The following PABPC4L variants were observed in gnomAD, a reference collection of about 807,000 sequenced individuals.
PABPC4L encodes polyadenylate-binding protein 4-like.
For synonymous variants in PABPC4L, 169 were observed against 164.1 expected, an observed-to-expected ratio of 1.03 and a Z score of -0.23; for missense variants, 452 against 451.4, an observed-to-expected ratio of 1.00 and a Z score of -0.01.
chr4:134,151,176 C>T, the PABPC4L span, among the ~76,000 whole-genome samples: 3 of 152,052 alleles, frequency 2.0e-5, no homozygotes, highest in African/African-American at 4.8e-5. Flanking sequence ...TTCTGAAAGG[C>T]AGGCAATCCC....
the PABPC4L span, among the ~76,000 whole-genome samples, chr4:134,158,037 T>A: frequency 6.6e-6 from 1 of 152,058 alleles, no homozygotes; most frequent in African/African-American, 2.4e-5. Context: ...TTTATACTAA[T>A]GCTTTTGAAG....
chr4:134,070,598 G>A, the PABPC4L span, among the ~76,000 whole-genome samples: 725 of 152,244 alleles, frequency 4.8e-3, 7 homozygotes, highest in African/African-American at 0.016. Flanking sequence ...CGCTGGAGGA[G>A]GGGAGGTGTG....
At chr4:134,178,164 A>G in the PABPC4L span, among the ~76,000 whole-genome samples, 1 of 152,046 alleles carries the variant, frequency 6.6e-6, no homozygotes, top group Non-Finnish European at 1.5e-5. Flanking sequence ...GGCTGACCTC[A>G]CAAGGATATA....
At chr4:134,184,135 G>A in the PABPC4L span, among the ~76,000 whole-genome samples, 1 of 151,836 alleles carries the variant, frequency 6.6e-6, no homozygotes, top group Non-Finnish European at 1.5e-5. Flanking sequence ...GGATAGACTG[G>A]TTAACCAGAC....
chr4:134,140,132 T>C, the PABPC4L span, among the ~76,000 whole-genome samples: 2 of 151,820 alleles, frequency 1.3e-5, no homozygotes, highest in Non-Finnish European at 2.9e-5. Context: ...GTAGAATAAA[T>C]AAACTGAAAT....
the PABPC4L span, among the ~76,000 whole-genome samples, chr4:134,171,984 G>T: frequency 3.3e-5 from 5 of 151,584 alleles, no homozygotes; most frequent in South Asian, 1.0e-3. Flanking sequence ...TCTACAATGA[G>T]AATTACAAAC....
At chr4:133,993,709 A>G in the PABPC4L span, among the ~76,000 whole-genome samples, 1 of 152,156 alleles carries the variant, frequency 6.6e-6, no homozygotes, top group Non-Finnish European at 1.5e-5. Flanking sequence ...AGTTTCTCCA[A>G]TTTTGGTGGA....
the PABPC4L span, among the ~76,000 whole-genome samples, chr4:134,057,705 T>C: frequency 6.6e-6 from 1 of 152,102 alleles, no homozygotes; most frequent in Non-Finnish European, 1.5e-5. Flanking sequence ...GTTTTGGAAT[T>C]GCTGGCTTCT....
chr4:134,015,361 T>C, the PABPC4L span, among the ~76,000 whole-genome samples: 18 of 152,102 alleles, frequency 1.2e-4, no homozygotes, highest in African/African-American at 2.4e-4. Context: ...CAAACCCATA[T>C]ACTCTCCTAT....
the PABPC4L span, among the ~76,000 whole-genome samples, chr4:133,988,956 C>A: frequency 6.6e-6 from 1 of 152,152 alleles, no homozygotes; most frequent in Admixed American, 6.5e-5. Context: ...GTGGAAACTG[C>A]CAAGGCATGG....
chr4:134,183,353 T>C, the PABPC4L span, among the ~76,000 whole-genome samples: 2 of 151,554 alleles, frequency 1.3e-5, no homozygotes, highest in Non-Finnish European at 3.0e-5. Flanking sequence ...AAGTAAAGCA[T>C]AAACAGAAAA....
At chr4:134,113,534 C>T in the PABPC4L span, among the ~76,000 whole-genome samples, 1 of 151,906 alleles carries the variant, frequency 6.6e-6, no homozygotes, top group African/African-American at 2.4e-5. Flanking sequence ...GTAGGCTATA[C>T]CATCTGGTTT....
the PABPC4L span, among the ~76,000 whole-genome samples, chr4:134,055,403 G>T: frequency 6.6e-6 from 1 of 151,870 alleles, no homozygotes; most frequent in South Asian, 2.1e-4. Flanking sequence ...ACAGAGAAAA[G>T]GTCGTGTAGG....
At chr4:134,052,560 A>G in the PABPC4L span, among the ~76,000 whole-genome samples, 1 of 152,142 alleles carries the variant, frequency 6.6e-6, no homozygotes, top group African/African-American at 2.4e-5. Context: ...AACTTTTCCT[A>G]TATAAGTAAT....
the PABPC4L span, among the ~76,000 whole-genome samples, chr4:133,968,459 G>A: frequency 3.9e-5 from 6 of 152,148 alleles, no homozygotes; most frequent in East Asian, 3.9e-4. Flanking sequence ...TGTCTAGGAC[G>A]TCTTGGGGCT....
At chr4:134,139,978 G>A in the PABPC4L span, among the ~76,000 whole-genome samples, 1 of 151,744 alleles carries the variant, frequency 6.6e-6, no homozygotes, top group Non-Finnish European at 1.5e-5. Flanking sequence ...ATTTTTCATT[G>A]TATTAATTTT....
chr4:133,948,755 G>A, the PABPC4L span, among the ~76,000 whole-genome samples: 3 of 152,302 alleles, frequency 2.0e-5, no homozygotes, highest in South Asian at 4.1e-4. Context: ...AGCAGAGCAT[G>A]CATAACAGTC....
the PABPC4L span, among the ~76,000 whole-genome samples, chr4:133,999,684 A>G: frequency 6.6e-6 from 1 of 151,912 alleles, no homozygotes; most frequent in Non-Finnish European, 1.5e-5. Context: ...ATACAAGGGG[A>G]AAAAAGTTTC....
chr4:134,007,165 G>A, the PABPC4L span, among the ~76,000 whole-genome samples: 1 of 151,652 alleles, frequency 6.6e-6, no homozygotes. Context: ...ATGGAATCGA[G>A]GAAAGACTAA....
Sources: allele counts gnomAD v4.1 joint callset (sites outside exome capture counted in the v4.1 genomes callset), GRCh38; gene constraint gnomAD v4.1.1; transcripts MANE v1.5; gene names NCBI Gene and HGNC (gene_info 2026-07-23, HGNC 2026-07-21).